Variants in GHR observed in about 807,000 individuals in gnomAD.
The protein encoded by GHR is growth hormone receptor.
GHR carries 35 observed loss-of-function variants against 67.1 expected under a neutral mutation model. That is an observed-to-expected ratio of 0.52 (90% CI 0.40 to 0.69). The LOEUF is 0.69. Ranked by LOEUF, GHR falls within the 30% of genes least tolerant of loss-of-function variation. The probability of loss-of-function intolerance (pLI) is 0.00; values close to 1 mark genes in which losing one functional copy is unlikely to be tolerated. For synonymous variants in GHR, 272 were observed against 269.1 expected (o/e 1.01, Z -0.10); for missense variants, 792 against 764.6 (o/e 1.04, Z -0.42).
intron 2 of GHR, among the ~76,000 whole-genome samples, chr5:42,598,104 G>A (rs1752174583): frequency 6.6e-6 from 1 of 152,174 alleles, no homozygotes; most frequent in Non-Finnish European, 1.5e-5. Flanking sequence ...TGAGGTGGAA[G>A]GGGAAAGATG....
intron 3 of GHR, among the ~76,000 whole-genome samples, chr5:42,665,515 A>G (rs1040601821): frequency 3.3e-5 from 5 of 151,920 alleles, no homozygotes; most frequent in African/African-American, 1.2e-4. Flanking sequence ...CAAACACCGC[A>G]TATTCTCACT....
At chr5:42,662,937 C>CA (rs1302535892) in intron 3 of GHR, among the ~76,000 whole-genome samples, 3 of 152,090 alleles carry the variant, frequency 2.0e-5, no homozygotes, top group Non-Finnish European at 4.4e-5. Context: ...CACAGAAATG[C>CA]AAACTACCAT....
intron 2 of GHR, among the ~76,000 whole-genome samples, chr5:42,580,565 A>G (rs374183612): frequency 1.3e-5 from 2 of 152,282 alleles, no homozygotes; most frequent in African/African-American, 4.8e-5. Flanking sequence ...TAAACTAAAT[A>G]TCTTTGTGAT....
intron 1 of GHR, among the ~76,000 whole-genome samples, chr5:42,486,299 C>A (rs1745875854): frequency 6.6e-6 from 1 of 152,198 alleles, no homozygotes. Context: ...TATCCCATCT[C>A]ATTTCATCTA....
intron 1 of GHR, among the ~76,000 whole-genome samples, chr5:42,537,776 T>G (rs1748324990): frequency 6.6e-6 from 1 of 152,174 alleles, no homozygotes; most frequent in East Asian, 1.9e-4. Context: ...CCACTATTAT[T>G]GTGTTGCTGT....
intron 1 of GHR, among the ~76,000 whole-genome samples, chr5:42,445,367 C>T (rs1300984877): frequency 4.6e-5 from 7 of 152,170 alleles, no homozygotes; most frequent in South Asian, 4.2e-4. Flanking sequence ...GAATCAATCA[C>T]GAGTCAGATT....
intron 1 of GHR, among the ~76,000 whole-genome samples, chr5:42,471,497 T>C (rs2940920): frequency 0.17 from 26,379 of 152,224 alleles, 2,542 homozygotes; most frequent in Middle Eastern, 0.28. Context: ...CTAAACATTA[T>C]GCTCTCAGAG....
At chr5:42,636,576 A>C (rs563815840) in intron 3 of GHR, among the ~76,000 whole-genome samples, 1 of 141,046 alleles carries the variant, frequency 7.1e-6, no homozygotes, top group African/African-American at 2.5e-5. Flanking sequence ...TTCTGCACAC[A>C]TGAGTCTCTC....
intron 3 of GHR, among the ~76,000 whole-genome samples, chr5:42,670,807 C>T (rs1756237364): frequency 6.9e-6 from 1 of 145,186 alleles, no homozygotes; most frequent in African/African-American, 2.6e-5. Context: ...GCACAAGGTG[C>T]ACATGTACCC....
chr5:42,660,900 G>GA (rs1246961718), intron 3 of GHR, among the ~76,000 whole-genome samples: 9 of 152,174 alleles, frequency 5.9e-5, no homozygotes, highest in Non-Finnish European at 1.3e-4. Flanking sequence ...AACCAATACA[G>GA]AGAAGTGCTT....
chr5:42,483,647 G>A lies in GHR; in HGVS notation c.-12+59692G>A, dbSNP rs575889586. Among the ~76,000 whole-genome samples the A allele has an allele frequency of 3.3e-5, 5 of 152,190 alleles. No individual in the cohort carries two copies. In the East Asian group the frequency reaches 5.8e-4, roughly 18 times the overall value. Reference sequence around the variant, plus strand: ...AGTTAACACGTTAGGGGAGGGAATCGAATCTGAAAGTGATACCCATTTAGT... The same window carrying A: ...AGTTAACACGTTAGGGGAGGGAATCAAATCTGAAAGTGATACCCATTTAGT... On this transcript the variant is annotated intron_variant, in intron 1 of 9. Coordinates refer to ENST00000230882, the MANE Select transcript of GHR (RefSeq NM_000163.5).
rs1181239627 is a variant in GHR at position 42,679,352 on chromosome 5, C to T, written c.137-9538C>T. Among the ~76,000 whole-genome samples the T allele has an allele frequency of 2.0e-5, 3 of 151,504 alleles. No homozygotes were observed. The East Asian group carries it at 5.8e-4, about 29-fold the overall frequency. On this transcript the variant is annotated intron_variant, in intron 3 of 9. Transcript: ENST00000230882. ...TTAAGAATACAAATTTTGGGCTGGG[C>T]ATGGTGGCTCACACCTGTAATCCCA...
intron 1 of GHR, among the ~76,000 whole-genome samples, chr5:42,454,696 T>G (rs1213064010): frequency 1.3e-5 from 2 of 152,100 alleles, no homozygotes; most frequent in East Asian, 3.9e-4. Context: ...GTGAGCCCAA[T>G]CTCACTCTTG....
intron 1 of GHR, among the ~76,000 whole-genome samples, chr5:42,553,410 A>G (rs1393086892): frequency 6.6e-6 from 1 of 152,092 alleles, no homozygotes; most frequent in Non-Finnish European, 1.5e-5. Flanking sequence ...ATTGCATCTC[A>G]TGGTTTCTGT....
intron 8 of GHR, among the ~76,000 whole-genome samples, chr5:42,716,169 C>A (rs2910877): frequency 0.034 from 1,000 of 29,612 alleles, 14 homozygotes; most frequent in African/African-American, 0.047. Flanking sequence ...GATGCAGAAT[C>A]AAAAAAAAAA....
intron 2 of GHR, among the ~76,000 whole-genome samples, chr5:42,572,348 C>A (rs562853832): frequency 2.0e-5 from 3 of 152,240 alleles, no homozygotes; most frequent in Admixed American, 6.5e-5. Flanking sequence ...AAGCAGCAGG[C>A]AATGTGGCTC....
At chr5:42,617,892 A>T (rs1231167135) in intron 2 of GHR, among the ~76,000 whole-genome samples, 1 of 152,154 alleles carries the variant, frequency 6.6e-6, no homozygotes, top group Non-Finnish European at 1.5e-5. Flanking sequence ...TGCCTGCCCT[A>T]TAGCTATGAA....
At chr5:42,460,602 A>G (rs1744447500) in intron 1 of GHR, among the ~76,000 whole-genome samples, 1 of 152,222 alleles carries the variant, frequency 6.6e-6, no homozygotes, top group South Asian at 2.1e-4. Context: ...TTCACCTCCC[A>G]TTAGAATAGT....
chr5:42,528,876 TA>T (rs1242500789), intron 1 of GHR, among the ~76,000 whole-genome samples: 1 of 152,190 alleles, frequency 6.6e-6, no homozygotes, highest in East Asian at 1.9e-4. Flanking sequence ...GCAAAAAGAT[TA>T]TGACTCACTA....
Sources: allele counts gnomAD v4.1 joint callset (sites outside exome capture counted in the v4.1 genomes callset), GRCh38; gene constraint gnomAD v4.1.1; transcripts MANE v1.5; gene names NCBI Gene and HGNC (gene_info 2026-07-23, HGNC 2026-07-21).